The following PRKCA variants were observed in gnomAD, a reference collection of about 807,000 sequenced individuals.
The protein encoded by PRKCA is protein kinase C alpha.
In PRKCA, 27 loss-of-function variants were observed where a neutral mutation model predicts 87.0. That is an observed-to-expected ratio of 0.31 (90% CI 0.23 to 0.43). PRKCA has a LOEUF of 0.43. Among genes scored for constraint, PRKCA ranks in the 20% least tolerant of loss-of-function variants. PRKCA has a pLI of 1.00. For synonymous variants in PRKCA, 329 were observed against 311.1 expected (o/e 1.06, Z -0.61); for missense variants, 518 against 852.3 (o/e 0.61, Z 4.88).
At chr17:66,474,229 A>G (rs869056155) in intron 2 of PRKCA, among the ~76,000 whole-genome samples, 2 of 151,980 alleles carry the variant, frequency 1.3e-5, no homozygotes, top group Non-Finnish European at 2.9e-5. Context: ...GAGGAACCCA[A>G]TAACACCGAT....
intron 3 of PRKCA, among the ~76,000 whole-genome samples, chr17:66,616,739 G>A (rs539627641): frequency 6.6e-6 from 1 of 152,182 alleles, no homozygotes; most frequent in African/African-American, 2.4e-5. Context: ...AGCTTCCACT[G>A]TGTTAAGTGC....
At chr17:66,542,973 A>G (rs1168426348) in intron 3 of PRKCA, among the ~76,000 whole-genome samples, 1 of 152,208 alleles carries the variant, frequency 6.6e-6, no homozygotes. Context: ...AGTTACAGTT[A>G]AGAGTCAATT....
chr17:66,691,063 C>T (rs1972772765), intron 8 of PRKCA, among the ~76,000 whole-genome samples: 1 of 151,750 alleles, frequency 6.6e-6, no homozygotes, highest in South Asian at 2.1e-4. Context: ...ATCACTTGAA[C>T]CTGGGAGGCA....
chr17:66,796,515 C>T (rs1232133628), intron 16 of PRKCA: 16 of 985,324 alleles, frequency 1.6e-5, no homozygotes, highest in Non-Finnish European at 1.9e-5. Flanking sequence ...TTTCCAGAAC[C>T]TTGGGTGACT....
intron 8 of PRKCA, among the ~76,000 whole-genome samples, chr17:66,694,226 G>C (rs895129321): frequency 6.6e-6 from 1 of 152,108 alleles, no homozygotes; most frequent in African/African-American, 2.4e-5. Flanking sequence ...GCTCACGCCT[G>C]TAATCCTAGC....
At chr17:66,424,101 G>A (rs963311383) in intron 2 of PRKCA, among the ~76,000 whole-genome samples, 8 of 152,066 alleles carry the variant, frequency 5.3e-5, no homozygotes, top group Non-Finnish European at 1.0e-4. Flanking sequence ...TATTTCTTCG[G>A]GACAAGCATC....
chr17:66,473,050 C>A (rs1915389104), intron 2 of PRKCA, among the ~76,000 whole-genome samples: 1 of 152,130 alleles, frequency 6.6e-6, no homozygotes, highest in Admixed American at 6.5e-5. Context: ...GGAGGAATTG[C>A]CCCATGCCCT....
intron 2 of PRKCA, among the ~76,000 whole-genome samples, chr17:66,439,684 A>G (rs1567829416): frequency 6.6e-6 from 1 of 152,202 alleles, no homozygotes; most frequent in Non-Finnish European, 1.5e-5. Context: ...GTTGCAAAAT[A>G]GGGTGCCTGG....
chr17:66,809,631 T>C lies in PRKCA; in HGVS notation c.*5594T>C, dbSNP rs532822828. Reference sequence around the variant, plus strand: ...GATCTCCCACTGCCAGATTTTCCCATGCTCCTAGGGTATGGAGTCCACGTG... The same window carrying C: ...GATCTCCCACTGCCAGATTTTCCCACGCTCCTAGGGTATGGAGTCCACGTG... On this transcript the variant is annotated 3_prime_UTR_variant, in exon 17 of 17. Coordinates refer to ENST00000413366, the MANE Select transcript of PRKCA (RefSeq NM_002737.3). 2 of 152,242 alleles carry C rather than the reference T, an allele frequency of 1.3e-5. No homozygotes were observed. Among genetic ancestry groups the C allele is most frequent in the Non-Finnish European group, 2.9e-5 (2 of 68,024 alleles). 9.4% of individuals were successfully genotyped at this position (152,242 alleles called of 1,614,324 possible).
intron 2 of PRKCA, among the ~76,000 whole-genome samples, chr17:66,331,685 G>A (rs1372613286): frequency 6.6e-6 from 1 of 152,202 alleles, no homozygotes; most frequent in Non-Finnish European, 1.5e-5. Flanking sequence ...TCATTGGGCA[G>A]AGAAAACCAC....
rs1358383805 is a variant in PRKCA, at chr17:66,368,453, C to T, written c.205+62326C>T. On this transcript the variant is annotated intron_variant, in intron 2 of 16. Coordinates refer to ENST00000413366, the MANE Select transcript of PRKCA (RefSeq NM_002737.3). Reference sequence around the variant, plus strand: ...TCACCCAGGCTGGAGTGCAGTGGTGCGATCTCGACTCAAGGCAACCTCCAT... The same window carrying T: ...TCACCCAGGCTGGAGTGCAGTGGTGTGATCTCGACTCAAGGCAACCTCCAT... Among the ~76,000 whole-genome samples, 14 of 124,500 alleles carry T rather than the reference C, an allele frequency of 1.1e-4. No homozygotes were observed. In the East Asian group the frequency reaches 2.1e-3, roughly 19 times the overall value. 81.7% of individuals were successfully genotyped at this position (124,500 alleles called of 152,430 possible). A position where few individuals can be genotyped will look rare whatever the true frequency, so the allele number is the denominator to read the frequency against.
At chr17:66,543,427 CTATGAAG>C (rs371436966) in intron 3 of PRKCA, among the ~76,000 whole-genome samples, 2 of 152,250 alleles carry the variant, frequency 1.3e-5, no homozygotes, top group African/African-American at 4.8e-5. Flanking sequence ...GCTTTTGATG[CTATGAAG>C]TACCCTTTGT....
chr17:66,349,520 C>T (rs969592649), intron 2 of PRKCA, among the ~76,000 whole-genome samples: 3 of 152,144 alleles, frequency 2.0e-5, no homozygotes, highest in Non-Finnish European at 4.4e-5. Context: ...TTCCTCTCTC[C>T]TTCTGGCTTT....
intron 2 of PRKCA, among the ~76,000 whole-genome samples, chr17:66,448,196 T>G (rs1914131427): frequency 6.6e-6 from 1 of 152,216 alleles, no homozygotes; most frequent in Non-Finnish European, 1.5e-5. Context: ...TTTTGTTTTG[T>G]TGATAACATA....
chr17:66,332,361 G>A (rs1906382943), intron 2 of PRKCA, among the ~76,000 whole-genome samples: 1 of 151,546 alleles, frequency 6.6e-6, no homozygotes, highest in African/African-American at 2.4e-5. Flanking sequence ...CCAAGTAGCT[G>A]AGATTACAGG....
chr17:66,425,136 C>T (rs181933997), intron 2 of PRKCA, among the ~76,000 whole-genome samples: 2 of 152,290 alleles, frequency 1.3e-5, no homozygotes, highest in East Asian at 3.9e-4. Context: ...AGTCGTTGGT[C>T]CTGTCGCTCC....
At chr17:66,589,700 G>A (rs530829254) in intron 3 of PRKCA, among the ~76,000 whole-genome samples, 2 of 152,270 alleles carry the variant, frequency 1.3e-5, no homozygotes, top group South Asian at 4.2e-4. Context: ...TCATTTGGAG[G>A]AAACTTACTG....
At chr17:66,638,031 A>C (rs1971189909) in intron 3 of PRKCA, among the ~76,000 whole-genome samples, 1 of 152,180 alleles carries the variant, frequency 6.6e-6, no homozygotes, top group Non-Finnish European at 1.5e-5. Flanking sequence ...ATAGCCAAAG[A>C]AAATATGTAA....
rs199510095 is a variant in PRKCA, at chr17:66,342,441, AAATAATAATAATAATAATAAT to A, written c.205+36338_205+36358del. ...CATCTCAAAAAAAATAAAATAAAATAAATAATAATAATAATAATAATAATAATAATAATAATAATAATAAAT... is the reference window on the plus strand; with the variant it reads ...CATCTCAAAAAAAATAAAATAAAATAAATAATAATAATAATAATAATAAAT... On this transcript the variant is annotated intron_variant, in intron 2 of 16. Coordinates refer to ENST00000413366, the MANE Select transcript of PRKCA (RefSeq NM_002737.3). 1.1e-3 allele frequency among the ~76,000 whole-genome samples: 152 copies of A among 142,978 alleles called. 2 individuals are homozygous for A. The highest frequency in any genetic ancestry group is 3.7e-3 in the Middle Eastern group (1 of 272). The allele number at this position is 142,978 out of a possible 152,430, so 93.8% of individuals were successfully genotyped here. A position where few individuals can be genotyped will look rare whatever the true frequency, so the allele number is the denominator to read the frequency against.
Sources: allele counts gnomAD v4.1 joint callset (sites outside exome capture counted in the v4.1 genomes callset), GRCh38; gene constraint gnomAD v4.1.1; transcripts MANE v1.5; gene names NCBI Gene and HGNC (gene_info 2026-07-23, HGNC 2026-07-21).